The following CASZ1 variants were observed in gnomAD, a reference collection of about 807,000 sequenced individuals.
The protein encoded by CASZ1 is castor zinc finger 1.
Under a neutral mutation model 135.2 loss-of-function variants are expected in CASZ1, and 28 were observed. The ratio of observed to expected loss-of-function variants is 0.21; its 90% CI spans 0.15 to 0.28. The LOEUF is 0.28. Among genes scored for constraint, CASZ1 ranks in the 10% least tolerant of loss-of-function variants. The probability of loss-of-function intolerance (pLI) is 1.00; values close to 1 mark genes in which losing one functional copy is unlikely to be tolerated. For synonymous variants in CASZ1, 1,068 were observed against 1,073.4 expected, an observed-to-expected ratio of 0.99 and a Z score of 0.10; for missense variants, 2,161 against 2,453.3, an observed-to-expected ratio of 0.88 and a Z score of 2.52.
intron 4 of CASZ1, among the ~76,000 whole-genome samples, chr1:10,678,673 T>C (rs1169953950): frequency 6.6e-6 from 1 of 151,690 alleles, no homozygotes; most frequent in African/African-American, 2.4e-5. Flanking sequence ...TTCAAACAAA[T>C]GCACAGCAGC....
At chr1:10,702,962 CAGAGAGAG>C (rs142859359) in intron 3 of CASZ1, among the ~76,000 whole-genome samples, 1 of 142,802 alleles carries the variant, frequency 7.0e-6, no homozygotes. Context: ...GAGGGAGAGG[CAGAGAGAG>C]AGAGAGAGAG....
chr1:10,653,909 C>T lies in CASZ1; in HGVS notation c.2148G>A (p.Glu716=). ...PPSLLGAKDT[E]HEESSNDDLV... ...GGTCGTCGTTGCTGGACTCCTCGTG[C>T]TCCGTGTCCTTGGCGCCCAGCAGCG... Residue 716 remains glutamate, a synonymous_variant, in exon 11 of 21, where the codon GAG becomes GAA. Coordinates refer to ENST00000377022, the MANE Select transcript of CASZ1 (RefSeq NM_001079843.3). 1 of 1,613,642 alleles carries T rather than the reference C, an allele frequency of 6.2e-7. No individual in the cohort carries two copies. The highest frequency in any genetic ancestry group is 1.1e-5 in the South Asian group (1 of 91,042).
rs1412760154 is a variant in CASZ1, at chr1:10,666,660, G to A, written c.17-1089C>T. 6.6e-6 allele frequency among the ~76,000 whole-genome samples: 1 copy of A among 152,134 alleles called. No homozygotes were observed. The highest frequency in any genetic ancestry group is 2.4e-5 in the African/African-American group (1 of 41,426). ...CTCATGAGGCGACTTGAGAGCCAGC[G>A]ACCTCCCTCGCGGCCGCATAGCCCA... On this transcript the variant is annotated intron_variant, in intron 4 of 20. Coordinates refer to ENST00000377022, the MANE Select transcript of CASZ1 (RefSeq NM_001079843.3). This position sits in a 1 kb window ranked among gnomAD's most constrained non-coding sequence, Gnocchi z 5.2.
At position 10,741,758 on chromosome 1, in the gene CASZ1, T is replaced by C. The variant is rs1159666717; in HGVS notation, c.-77+18943A>G. On this transcript the variant is annotated intron_variant, in intron 2 of 20. Coordinates refer to ENST00000377022, the MANE Select transcript of CASZ1 (RefSeq NM_001079843.3). This position sits in a 1 kb window ranked among gnomAD's most constrained non-coding sequence, Gnocchi z 5.0. The stretch of plus-strand genomic sequence containing the variant: ...CATTTTGCAGCTTTTATAACATGTG[T>C]AGGAGTCTTTACAAACGACTTTTAT... Among the ~76,000 whole-genome samples, 4 of 152,070 alleles carry C rather than the reference T, an allele frequency of 2.6e-5. No homozygotes were observed. In the East Asian group the frequency reaches 7.7e-4, roughly 29 times the overall value.
In CASZ1 at chr1:10,647,568, T is replaced by G. The variant is rs1642401677; in HGVS notation, c.3497+233A>C. ...ATCACCACATGCCCTGCAGGAGCAGTAGCCACTGCCGCCACCATCGGCCCA... is the reference window on the plus strand; with the variant it reads ...ATCACCACATGCCCTGCAGGAGCAGGAGCCACTGCCGCCACCATCGGCCCA... On this transcript the variant is annotated intron_variant, in intron 16 of 20. Transcript: ENST00000377022. This position sits in a 1 kb window ranked among gnomAD's most constrained non-coding sequence, Gnocchi z 4.9. 5 of 1,407,314 alleles carry G rather than the reference T, an allele frequency of 3.6e-6. No individual in the cohort carries two copies. In the South Asian group the frequency reaches 7.5e-5, roughly 21 times the overall value. The allele number at this position is 1,407,314 out of a possible 1,614,324, so 87.2% of individuals were successfully genotyped here.
At chr1:10,736,309 G>A (rs937530063) in intron 2 of CASZ1, among the ~76,000 whole-genome samples, 8 of 152,194 alleles carry the variant, frequency 5.3e-5, no homozygotes, top group South Asian at 2.1e-4. Flanking sequence ...CTGGGCTCAC[G>A]GTCAGCATCT....
chr1:10,636,733 T>C lies in CASZ1; in HGVS notation c.*2209A>G, dbSNP rs781332272. The C allele has an allele frequency of 1.2e-4, 18 of 151,930 alleles. No homozygotes were observed. The highest frequency in any genetic ancestry group is 2.2e-4 in the Non-Finnish European group (15 of 67,974). 9.4% of individuals were successfully genotyped at this position (151,930 alleles called of 1,614,324 possible). A position where few individuals can be genotyped will look rare whatever the true frequency, so the allele number is the denominator to read the frequency against. On this transcript the variant is annotated 3_prime_UTR_variant, in exon 21 of 21. Coordinates refer to ENST00000377022, the MANE Select transcript of CASZ1 (RefSeq NM_001079843.3). ...AGCACTAAATTCAAGTGGAAAAATATTCAGTTCTTAATAACCAGGTGCCGA... is the reference window on the plus strand; with the variant it reads ...AGCACTAAATTCAAGTGGAAAAATACTCAGTTCTTAATAACCAGGTGCCGA...
intron 1 of CASZ1, among the ~76,000 whole-genome samples, chr1:10,764,916 C>G (rs574841672): frequency 6.6e-6 from 1 of 152,310 alleles, no homozygotes; most frequent in Admixed American, 6.5e-5. Context: ...TGTGGTCATG[C>G]CCATTGCAAC....
chr1:10,726,992 G>A lies in CASZ1; in HGVS notation c.-76-21448C>T, dbSNP rs1429045648. Among the ~76,000 whole-genome samples, 1 of 152,186 alleles carries A rather than the reference G, an allele frequency of 6.6e-6. No homozygotes were observed. The highest frequency in any genetic ancestry group is 1.5e-5 in the Non-Finnish European group (1 of 68,022). ...CACGAAAGCCAGGACGGAGGGGAGG[G>A]AGACCGGGAGAGGTGACTGGCAAGG... On this transcript the variant is annotated intron_variant, in intron 2 of 20. Coordinates refer to ENST00000377022, the MANE Select transcript of CASZ1 (RefSeq NM_001079843.3). This position sits in a 1 kb window ranked among gnomAD's most constrained non-coding sequence, Gnocchi z 5.7.
rs1314587847 is a variant in CASZ1 at position 10,679,567 on chromosome 1, GT to G, written c.17-13997del. ...GCGGGCCCCTCCTCCCCATACCATA[GT>G]CCTGGTTCCCAGCCTGCAACAGCTG... On this transcript the variant is annotated intron_variant, in intron 4 of 20. Coordinates refer to ENST00000377022, the MANE Select transcript of CASZ1 (RefSeq NM_001079843.3). This position sits in a 1 kb window ranked among gnomAD's most constrained non-coding sequence, Gnocchi z 4.7. Among the ~76,000 whole-genome samples the G allele has an allele frequency of 6.6e-6, 1 of 152,132 alleles. No homozygotes were observed. Among genetic ancestry groups the G allele is most frequent in the Non-Finnish European group, 1.5e-5 (1 of 68,014 alleles).
intron 2 of CASZ1, among the ~76,000 whole-genome samples, chr1:10,750,158 A>G (rs1640124279): frequency 6.6e-6 from 1 of 152,110 alleles, no homozygotes; most frequent in African/African-American, 2.4e-5. Context: ...GGAGCCAGGG[A>G]TGGGCTCTTC....
chr1:10,739,295 G>GGGGTGCA lies in CASZ1; in HGVS notation c.-77+21399_-77+21405dup, dbSNP rs1164715834. 1.3e-5 allele frequency among the ~76,000 whole-genome samples: 2 copies of GGGGTGCA among 152,126 alleles called. No individual in the cohort carries two copies. Among genetic ancestry groups the GGGGTGCA allele is most frequent in the African/African-American group, 4.8e-5 (2 of 41,428 alleles). ...GTCACCCCTGCTGTCTCTCTGGGTA[G>GGGGTGCA]GGGTGCAGGTGAAGCTCACATGTGC... On this transcript the variant is annotated intron_variant, in intron 2 of 20. Coordinates refer to ENST00000377022, the MANE Select transcript of CASZ1 (RefSeq NM_001079843.3). This position sits in a 1 kb window ranked among gnomAD's most constrained non-coding sequence, Gnocchi z 4.8.
At chr1:10,792,584 C>T (rs1226737431) in intron 1 of CASZ1, among the ~76,000 whole-genome samples, 4 of 151,784 alleles carry the variant, frequency 2.6e-5, no homozygotes, top group African/African-American at 9.7e-5. Context: ...TATCTGTCAG[C>T]GTGATAAATA....
intron 7 of CASZ1, 35 bp downstream of exon 7, chr1:10,658,473 T>A (rs748752493): frequency 1.3e-6 from 2 of 1,583,234 alleles, no homozygotes; most frequent in Non-Finnish European, 1.7e-6. Context: ...GCCCCCCACC[T>A]TCTCTCCACG....
intron 1 of CASZ1, among the ~76,000 whole-genome samples, chr1:10,779,661 C>T (rs997587674): frequency 2.0e-5 from 3 of 152,260 alleles, no homozygotes; most frequent in African/African-American, 7.2e-5. Context: ...AAGCGTTCTA[C>T]AGAAGCATTT....
chr1:10,665,661 C>T, intron 4 of CASZ1, 90 bp from the exon 5 acceptor site: 1 of 1,388,680 alleles, frequency 7.2e-7, no homozygotes, highest in Non-Finnish European at 9.5e-7. Context: ...CCCCAAGCTG[C>T]AGGCCTCCCC....
intron 1 of CASZ1, among the ~76,000 whole-genome samples, chr1:10,779,370 G>A (rs1177350966): frequency 1.3e-5 from 2 of 150,010 alleles, no homozygotes; most frequent in African/African-American, 4.9e-5. Context: ...CGAAGGCTGA[G>A]TCACCGATAC....
intron 1 of CASZ1, among the ~76,000 whole-genome samples, chr1:10,791,943 G>A (rs1480962789): frequency 6.6e-6 from 1 of 152,050 alleles, no homozygotes; most frequent in Non-Finnish European, 1.5e-5. Flanking sequence ...GATACAAGGA[G>A]AATATGCAAA....
At chr1:10,641,760 A>G (rs1190001794) in intron 20 of CASZ1, among the ~76,000 whole-genome samples, 1 of 152,218 alleles carries the variant, frequency 6.6e-6, no homozygotes, top group Non-Finnish European at 1.5e-5. Context: ...AGGATCAGCC[A>G]TCTCTGGGAC....
Sources: gnomAD v4.1 joint callset for allele counts (sites outside exome capture counted in the v4.1 genomes callset) on GRCh38, gnomAD v4.1.1 for gene constraint, Gnocchi (gnomAD v3.1) non-coding constraint, MANE v1.5 for transcripts, NCBI Gene and HGNC (gene_info 2026-07-23, HGNC 2026-07-21) for gene names.